The following DNAH8 variants were observed in gnomAD, a reference collection of about 807,000 sequenced individuals.
DNAH8 encodes the protein dynein axonemal heavy chain 8.
DNAH8 carries 382 observed loss-of-function variants against 562.1 expected under a neutral mutation model. The observed-to-expected ratio is 0.68, with a 90% CI of 0.63 to 0.74. The LOEUF (loss-of-function observed/expected upper bound fraction) is 0.74. DNAH8 is among the 30% of genes least tolerant of loss of function. The pLI, the probability that DNAH8 is intolerant of heterozygous loss-of-function variation, is 0.00. For missense variants in DNAH8, 5,203 were observed against 5,620.4 expected, an observed-to-expected ratio of 0.93 and a Z score of 2.37; for synonymous variants, 1,881 against 1,919.4, an observed-to-expected ratio of 0.98 and a Z score of 0.52.
rs572104785 is a variant in DNAH8 at position 38,733,736 on chromosome 6, C to A, written c.611-738C>A. Among the ~76,000 whole-genome samples the A allele has an allele frequency of 4.6e-5, 7 of 151,712 alleles. No individual in the cohort carries two copies. The South Asian group carries it at 1.3e-3, about 27-fold the overall frequency. ...GACTAGCCTGGCCAACATGGTAAAA[C>A]CCTGTCTCTACTAAAACTACAAGAA... On this transcript the variant is annotated intron_variant, in intron 4 of 92. Transcript: ENST00000327475.
At chr6:38,805,411 T>G (rs1358696921) in intron 22 of DNAH8, 70 bp from the exon 23 acceptor site, 3 of 900,066 alleles carry the variant, frequency 3.3e-6, no homozygotes, top group Non-Finnish European at 3.6e-6. Context: ...CTAAGAGGAT[T>G]TGGCCATGTA....
At chr6:38,814,869 C>A (rs1415381911) in intron 25 of DNAH8, among the ~76,000 whole-genome samples, 3 of 152,134 alleles carry the variant, frequency 2.0e-5, no homozygotes, top group African/African-American at 7.2e-5. Context: ...TGGCACTTAT[C>A]TTTACAACTA....
chr6:39,013,426 G>A (rs1766360046), intron 91 of DNAH8, among the ~76,000 whole-genome samples: 1 of 152,128 alleles, frequency 6.6e-6, no homozygotes, highest in African/African-American at 2.4e-5. Flanking sequence ...AAATAATGTT[G>A]AGTAAGGGAA....
intron 87 of DNAH8, among the ~76,000 whole-genome samples, chr6:38,985,863 G>T (rs1764354510): frequency 6.6e-6 from 1 of 152,190 alleles, no homozygotes. Context: ...GCAGTTCCTG[G>T]GGAGGGACAA....
At position 38,807,791 on chromosome 6, in the gene DNAH8, AT is replaced by A. The variant is rs60716114; in HGVS notation, c.3257+77del. On this transcript the variant is annotated intron_variant, in intron 24 of 92. Transcript: ENST00000327475. ...AATAGCACCTCTTATAAATTTATTA[AT>A]TAAAAAAACTATAAAATTTAAAATA... 91,374 of 698,736 alleles carry A rather than the reference AT, an allele frequency of 0.13. 7,189 individuals carry two copies. The highest frequency in any genetic ancestry group is 0.33 in the East Asian group (9,515 of 29,040). 43.3% of individuals were successfully genotyped at this position (698,736 alleles called of 1,614,324 possible). A position where few individuals can be genotyped will look rare whatever the true frequency, so the allele number is the denominator to read the frequency against.
At chr6:38,797,296 G>A (rs913918939) in intron 21 of DNAH8, among the ~76,000 whole-genome samples, 8 of 152,148 alleles carry the variant, frequency 5.3e-5, no homozygotes, top group Admixed American at 1.3e-4. Context: ...GAAAGGAGAG[G>A]CCAGCTAGGC....
rs1377434261 is a variant in DNAH8 at position 38,874,108 on chromosome 6, CCTTCCTTCCTCCT to C, written c.7620+733_7620+745del. Reference sequence around the variant, plus strand: ...TCTTTCTTTCTTTCTCTTTCTCCTTCCTTCCTTCCTCCTTCTCTCTTTCTTTCTTTCTCTTTCT... The same window carrying C: ...TCTTTCTTTCTTTCTCTTTCTCCTTCTCTCTCTTTCTTTCTTTCTCTTTCT... On this transcript the variant is annotated intron_variant, in intron 52 of 92. Transcript: ENST00000327475. 1.1e-3 allele frequency among the ~76,000 whole-genome samples: 54 copies of C among 49,984 alleles called. 2 individuals carry two copies. Among genetic ancestry groups the C allele is most frequent in the East Asian group, 3.5e-3 (1 of 288 alleles). The allele number at this position is 49,984 out of a possible 152,430, so 32.8% of individuals were successfully genotyped here.
At chr6:38,758,703 A>G (rs1441088665) in intron 10 of DNAH8, among the ~76,000 whole-genome samples, 1 of 152,150 alleles carries the variant, frequency 6.6e-6, no homozygotes, top group Non-Finnish European at 1.5e-5. Flanking sequence ...GATACATCCC[A>G]TCAATACCTA....
In DNAH8 at chr6:38,864,007, T is replaced by C; in HGVS notation, c.6445T>C (p.Ser2149Pro). Residue 2149 changes from serine (S) to proline (P), a missense_variant, in exon 45 of 93, where the codon TCT becomes CCT. Transcript: ENST00000327475. ...RKERKKQFIF[S>P]DGDCVDLNPE... is the part of the protein sequence containing the mutation. ...AGAAAGAAAGAAACAGTTCATTTTT[T>C]CTGATGGTGATTGTGTTGATTTAAA... 6.2e-7 allele frequency: 1 copy of C among 1,610,872 alleles called. No homozygotes were observed. The highest frequency in any genetic ancestry group is 8.5e-7 in the Non-Finnish European group (1 of 1,179,392).
intron 45 of DNAH8, 128 bp from the exon 46 acceptor site, chr6:38,866,463 A>G: frequency 1.5e-6 from 1 of 650,622 alleles, no homozygotes. Flanking sequence ...TTGAGAAAAC[A>G]AGAGTATTTT....
intron 18 of DNAH8, among the ~76,000 whole-genome samples, chr6:38,788,930 C>CT (rs1051339243): frequency 8.6e-5 from 13 of 151,952 alleles, no homozygotes; most frequent in East Asian, 3.9e-4. Flanking sequence ...ATTTAATTGT[C>CT]TTTTTTTTGA....
intron 24 of DNAH8, among the ~76,000 whole-genome samples, chr6:38,810,695 A>G (rs1171319613): frequency 1.3e-5 from 2 of 152,160 alleles, no homozygotes; most frequent in African/African-American, 4.8e-5. Flanking sequence ...TGAACTGTAC[A>G]TATTTTATTC....
At chr6:38,721,305 C>T (rs1356696614) in intron 1 of DNAH8, among the ~76,000 whole-genome samples, 1 of 151,284 alleles carries the variant, frequency 6.6e-6, no homozygotes, top group African/African-American at 2.4e-5. Context: ...ATAATGAGAC[C>T]TTGTCTCTAT....
intron 16 of DNAH8, among the ~76,000 whole-genome samples, chr6:38,781,634 T>C (rs1210914257): frequency 6.6e-6 from 1 of 152,166 alleles, no homozygotes; most frequent in Admixed American, 6.5e-5. Context: ...CACAGGACAC[T>C]TTGTAAAGCC....
At chr6:38,758,847 G>C (rs540962019) in intron 10 of DNAH8, among the ~76,000 whole-genome samples, 1 of 152,106 alleles carries the variant, frequency 6.6e-6, no homozygotes, top group Non-Finnish European at 1.5e-5. Context: ...ATTTGTGTAC[G>C]TTGAACCAGC....
chr6:38,830,560 A>C (rs1018168464), intron 30 of DNAH8, among the ~76,000 whole-genome samples: 1 of 146,966 alleles, frequency 6.8e-6, no homozygotes, highest in African/African-American at 2.5e-5. Flanking sequence ...ACGTGAACCC[A>C]GGAGGCGGAG....
At chr6:38,800,802 G>A (rs576862438) in intron 21 of DNAH8, among the ~76,000 whole-genome samples, 22 of 152,074 alleles carry the variant, frequency 1.4e-4, no homozygotes, top group Middle Eastern at 3.2e-3. Context: ...GATTACAGAC[G>A]TGAGCCACCG....
rs1401790276 is a variant in DNAH8, at chr6:38,906,449, A to G, written c.9348+42A>G. On this transcript the variant is annotated intron_variant, in intron 63 of 92. Transcript: ENST00000327475. ...GAGAAAAAGCCCATATTGTAAAAATATAAATTATATTGGAATAGAAAAAGC... is the reference window on the plus strand; with the variant it reads ...GAGAAAAAGCCCATATTGTAAAAATGTAAATTATATTGGAATAGAAAAAGC... 7 of 1,422,302 alleles carry G rather than the reference A, an allele frequency of 4.9e-6. No individual in the cohort carries two copies. In the African/African-American group the frequency reaches 8.7e-5, roughly 18 times the overall value. The allele number at this position is 1,422,302 out of a possible 1,614,324, so 88.1% of individuals were successfully genotyped here.
intron 48 of DNAH8, among the ~76,000 whole-genome samples, chr6:38,869,606 A>G (rs923432455): frequency 5.9e-5 from 9 of 152,226 alleles, no homozygotes; most frequent in Admixed American, 4.6e-4. Flanking sequence ...CCTACTGCTT[A>G]TAAGAAAGGC....
Sources: allele counts gnomAD v4.1 joint callset (sites outside exome capture counted in the v4.1 genomes callset), GRCh38; gene constraint gnomAD v4.1.1; transcripts MANE v1.5; gene names NCBI Gene and HGNC (gene_info 2026-07-23, HGNC 2026-07-21).